SNED1: variants seen among roughly 807,000 people sequenced by gnomAD.
SNED1 encodes the protein sushi, nidogen and EGF-like domain-containing protein 1.
In SNED1, 81 loss-of-function variants were observed where a neutral mutation model predicts 166.7. The observed-to-expected ratio is 0.49, with a 90% CI of 0.41 to 0.58. SNED1 has a LOEUF of 0.58. SNED1 is among the 20% of genes least tolerant of loss of function. SNED1 has a pLI of 0.00. For missense variants in SNED1, 1,604 were observed against 2,000.2 expected (o/e 0.80, Z 3.78); for synonymous variants, 762 against 822.0 (o/e 0.93, Z 1.25).
At chr2:241,035,141 C>T (rs1276022452) in intron 4 of SNED1, among the ~76,000 whole-genome samples, 2 of 152,146 alleles carry the variant, frequency 1.3e-5, no homozygotes, top group Non-Finnish European at 2.9e-5. Flanking sequence ...TCCCACCCAG[C>T]CTCCTGCCTG....
intron 21 of SNED1, 54 bp from the exon 22 acceptor site, chr2:241,067,710 C>T: frequency 6.7e-7 from 1 of 1,495,780 alleles, no homozygotes; most frequent in East Asian, 2.3e-5. Context: ...AGCCCCTGCA[C>T]TCCCCCAGGA....
intron 29 of SNED1, among the ~76,000 whole-genome samples, chr2:241,085,599 G>A (rs936771435): frequency 2.6e-5 from 4 of 152,002 alleles, no homozygotes; most frequent in Non-Finnish European, 5.9e-5. Context: ...TTTTCTCTAG[G>A]TTATGGGTCA....
chr2:241,063,055 C>CA (rs1332598778), intron 17 of SNED1, among the ~76,000 whole-genome samples, 151 bp downstream of exon 17: 2 of 152,222 alleles, frequency 1.3e-5, no homozygotes, highest in African/African-American at 2.4e-5. Context: ...ACATCCAAGA[C>CA]AAAGATTTTA....
At chr2:241,003,471 C>T (rs186834279) in intron 1 of SNED1, among the ~76,000 whole-genome samples, 7 of 152,360 alleles carry the variant, frequency 4.6e-5, no homozygotes, top group Non-Finnish European at 7.3e-5. Flanking sequence ...TCTTGGCCAC[C>T]AGCACATTTC....
chr2:241,051,929 A>G lies in SNED1; in HGVS notation c.1852+69A>G. ...AGCCCTGAGCTGGGGCCCCTGATGC[A>G]CCCTCCCTGCCAGCTGTGGGTCTGC... On this transcript the variant is annotated intron_variant, in intron 13 of 31. Coordinates refer to ENST00000310397, the MANE Select transcript of SNED1 (RefSeq NM_001080437.3). The surrounding 1 kb of genome is among the most constrained non-coding windows in gnomAD (Gnocchi z 4.7). 6.8e-7 allele frequency: 1 copy of G among 1,472,562 alleles called. No individual in the cohort carries two copies. Among genetic ancestry groups the G allele is most frequent in the Non-Finnish European group, 9.2e-7 (1 of 1,081,288 alleles). The allele number at this position is 1,472,562 out of a possible 1,614,324, so 91.2% of individuals were successfully genotyped here.
At chr2:241,039,357 G>A (rs1202174053) in intron 6 of SNED1, among the ~76,000 whole-genome samples, 1 of 152,178 alleles carries the variant, frequency 6.6e-6, no homozygotes, top group Non-Finnish European at 1.5e-5. Flanking sequence ...ATGACTCCAG[G>A]GAGGGACACA....
intron 2 of SNED1, among the ~76,000 whole-genome samples, chr2:241,032,336 G>A (rs1299546922): frequency 6.6e-6 from 1 of 151,866 alleles, no homozygotes; most frequent in Non-Finnish European, 1.5e-5. Flanking sequence ...GGTGACAGAG[G>A]GAGATTCCAT....
rs1053976771 is a variant in SNED1 at position 241,017,354 on chromosome 2, G to A, written c.214-12930G>A. The stretch of plus-strand genomic sequence containing the variant: ...GCTGTCTAAGTCCTGCCAGCATGGC[G>A]TGGAGGGGACCAAGGAGACGCCGTA... On this transcript the variant is annotated intron_variant, in intron 1 of 31. Coordinates refer to ENST00000310397, the MANE Select transcript of SNED1 (RefSeq NM_001080437.3). 7.2e-5 allele frequency among the ~76,000 whole-genome samples: 11 copies of A among 152,258 alleles called. No homozygotes were observed. The East Asian group carries it at 1.2e-3, about 16-fold the overall frequency.
In SNED1 at chr2:241,052,461, C is replaced by A; in HGVS notation, c.2076C>A (p.Cys692Ter). 2 of 1,596,890 alleles carry A rather than the reference C, an allele frequency of 1.3e-6. No individual in the cohort carries two copies. Among genetic ancestry groups the A allele is most frequent in the Non-Finnish European group, 1.7e-6 (2 of 1,172,660 alleles). ...HCQAGYMGRR[C>*]QAEVDCGPPE... is the part of the protein sequence containing the mutation. ...AAGCAGGGTACATGGGACGCCGGTG[C>A]CAGGCAGGTGAGAGGGTCAGGGGGA... Residue 692 changes from cysteine (C) to a stop codon, truncating the protein, a stop_gained, in exon 15 of 32, where the codon TGC (cysteine) becomes TGA (stop). Coordinates refer to ENST00000310397, the MANE Select transcript of SNED1 (RefSeq NM_001080437.3). LOFTEE classifies it high-confidence loss of function.
rs369770649 is a variant in SNED1, at chr2:241,064,404, C to T, written c.2599+279C>T. ...ACACCCAGGGGTGGGGCCTCACGTC[C>T]ACACATAGGCCCTGCTGCCCTTGGA... On this transcript the variant is annotated intron_variant, in intron 19 of 31. Transcript: ENST00000310397. The surrounding 1 kb of genome is among the most constrained non-coding windows in gnomAD (Gnocchi z 7.0). Among the ~76,000 whole-genome samples, 1 of 152,324 alleles carries T rather than the reference C, an allele frequency of 6.6e-6. No individual in the cohort carries two copies. Among genetic ancestry groups the T allele is most frequent in the South Asian group, 2.1e-4 (1 of 4,830 alleles).
rs536106461 is a variant in SNED1 at position 241,051,004 on chromosome 2, C to T, written c.1736-740C>T. On this transcript the variant is annotated intron_variant, in intron 12 of 31. Coordinates refer to ENST00000310397, the MANE Select transcript of SNED1 (RefSeq NM_001080437.3). The surrounding 1 kb of genome is among the most constrained non-coding windows in gnomAD (Gnocchi z 4.7). ...GACACCTCTGACCCCGGAGGGAGTA[C>T]GGAAGGGACAAGGATGGCTGTCCTC... Among the ~76,000 whole-genome samples the T allele has an allele frequency of 2.6e-5, 4 of 152,304 alleles. No individual in the cohort carries two copies. The highest frequency in any genetic ancestry group is 2.1e-4 in the South Asian group (1 of 4,826).
At chr2:241,071,082 G>A (rs944396328) in intron 24 of SNED1, among the ~76,000 whole-genome samples, 3 of 152,206 alleles carry the variant, frequency 2.0e-5, no homozygotes, top group Non-Finnish European at 2.9e-5. Flanking sequence ...AGAGGGAGAG[G>A]GAAGGGGAAG....
At chr2:241,005,174 TTTTAG>T (rs1246223434) in intron 1 of SNED1, among the ~76,000 whole-genome samples, 6 of 151,862 alleles carry the variant, frequency 4.0e-5, no homozygotes, top group African/African-American at 7.2e-5. Flanking sequence ...ATTTTTTAAA[TTTTAG>T]TTTAGTTTAG....
At chr2:241,065,002 C>G (rs2062381040) in intron 20 of SNED1, 45 bp downstream of exon 20, 5 of 1,440,694 alleles carry the variant, frequency 3.5e-6, no homozygotes, top group Non-Finnish European at 2.8e-6. Flanking sequence ...CGAGGGGGTC[C>G]CCTCTCCCTA....
intron 16 of SNED1, among the ~76,000 whole-genome samples, chr2:241,059,222 T>C (rs977945006): frequency 6.6e-6 from 1 of 152,196 alleles, no homozygotes; most frequent in Admixed American, 6.5e-5. Flanking sequence ...TATACAGCCT[T>C]ATATCTGTTA....
chr2:241,071,872 A>G lies in SNED1; in HGVS notation c.3811A>G (p.Arg1271Gly), dbSNP rs1329154028. The G allele has an allele frequency of 6.2e-7, 1 of 1,601,168 alleles. No homozygotes were observed. Among genetic ancestry groups the G allele is most frequent in the South Asian group, 1.1e-5 (1 of 88,348 alleles). Residue 1271 changes from arginine (R) to glycine (G), a missense_variant, in exon 26 of 32, where the codon AGA (arginine) becomes GGA (glycine). By Grantham distance (125) the Arg-to-Gly change is moderately radical. Transcript: ENST00000310397. The part of the protein sequence containing the change: ...GGSPSKAATV[R>G]SQPTASAQLE... ...CTCACCCAGCAAAGCAGCCACCGTGAGATCACGTGAGTGCCAGGGCCTCCC... is the reference window on the plus strand; with the variant it reads ...CTCACCCAGCAAAGCAGCCACCGTGGGATCACGTGAGTGCCAGGGCCTCCC...
At position 241,068,177 on chromosome 2, in the gene SNED1, A is replaced by T. The variant is rs140240269; in HGVS notation, c.3194+230A>T. Among the ~76,000 whole-genome samples the T allele has an allele frequency of 3.2e-3, 480 of 152,268 alleles. 1 individual carries two copies. Among genetic ancestry groups the T allele is most frequent in the African/African-American group, 0.011 (443 of 41,536 alleles). On this transcript the variant is annotated intron_variant, in intron 22 of 31. Coordinates refer to ENST00000310397, the MANE Select transcript of SNED1 (RefSeq NM_001080437.3). This position sits in a 1 kb window ranked among gnomAD's most constrained non-coding sequence, Gnocchi z 5.3. ...AGAGGATACACCTTGGTAGTGTTTT[A>T]AAGTGTCCAAAAAGAGCAGGAAAAG...
At chr2:241,052,319 A>G in intron 14 of SNED1, 36 bp from the exon 15 acceptor site, 1 of 1,535,016 alleles carries the variant, frequency 6.5e-7, no homozygotes, top group Non-Finnish European at 8.9e-7. Flanking sequence ...CCTTCAGGGA[A>G]GACACAGTGG....
In SNED1 at chr2:241,049,041, C is replaced by T; in HGVS notation, c.1524C>T (p.Cys508=). The change falls in exon 11 of 32, where the codon TGC becomes TGT. Residue 508 remains cysteine, a synonymous_variant. Transcript: ENST00000310397. ...CTCTAGAAATCACAGCCATGCCCTG[C>T]AACATGAACACACAGTGCCCAGATG... ...LCEFEITAMP[C]NMNTQCPDGG... The T allele has an allele frequency of 6.2e-7, 1 of 1,613,114 alleles. No individual in the cohort carries two copies. Among genetic ancestry groups the T allele is most frequent in the Non-Finnish European group, 8.5e-7 (1 of 1,179,422 alleles).
Sources: gnomAD v4.1 joint callset for allele counts (sites outside exome capture counted in the v4.1 genomes callset) on GRCh38, gnomAD v4.1.1 for gene constraint, Gnocchi (gnomAD v3.1) non-coding constraint, MANE v1.5 for transcripts, NCBI Gene and HGNC (gene_info 2026-07-23, HGNC 2026-07-21) for gene names.